OR52E4: variants seen among roughly 807,000 people sequenced by gnomAD.
OR52E4 encodes olfactory receptor family 52 subfamily E member 4, also known as olfactory receptor 52E4.
For missense variants in OR52E4, 444 were observed against 383.8 expected (o/e 1.16, Z -1.31); for synonymous variants, 169 against 137.4 (o/e 1.23, Z -1.61).
chr11:5,882,634 T>C (rs945073878), intron 1 of OR52E4, among the ~76,000 whole-genome samples: 2 of 152,082 alleles, frequency 1.3e-5, no homozygotes, highest in South Asian at 4.1e-4. Context: ...ACAACTGATG[T>C]ATGCAGCCAC....
Position 5,885,222 on chromosome 11 carries a change from G to A in OR52E4, c.930G>A (p.Gln310=). 4.4e-6 allele frequency: 7 copies of A among 1,586,068 alleles called. No individual in the cohort carries two copies. Among genetic ancestry groups the A allele is most frequent in the Non-Finnish European group, 6.0e-6 (7 of 1,165,076 alleles). The change falls in exon 2 of 2, where the codon CAG becomes CAA. Residue 310 remains glutamine, a synonymous_variant. Transcript: ENST00000641726. The part of the protein sequence containing the change: ...IREQIVKIFV[Q]KE ...AGCAAATTGTGAAAATATTTGTACA[G>A]AAAGAATAATTCTGTATTAAAGTTT...
At position 5,885,585 on chromosome 11, in the gene OR52E4, A is replaced by G. The variant is rs1847031331; in HGVS notation, c.*354A>G. The G allele has an allele frequency of 5.7e-6, 1 of 174,446 alleles. No individual in the cohort carries two copies. The highest frequency in any genetic ancestry group is 1.2e-5 in the Non-Finnish European group (1 of 82,792). 10.8% of individuals were successfully genotyped at this position (174,446 alleles called of 1,614,324 possible). On this transcript the variant is annotated 3_prime_UTR_variant, in exon 2 of 2. Coordinates refer to ENST00000641726, the MANE Select transcript of OR52E4 (RefSeq NM_001005165.2). ...AGATCCTGAAGGATACTGATCAAATAAATCTCATTTTATAGATGAACAAAA... is the reference window on the plus strand; with the variant it reads ...AGATCCTGAAGGATACTGATCAAATGAATCTCATTTTATAGATGAACAAAA...
intron 1 of OR52E4, among the ~76,000 whole-genome samples, chr11:5,881,857 G>T (rs1366231693): frequency 6.6e-6 from 1 of 151,958 alleles, no homozygotes; most frequent in Non-Finnish European, 1.5e-5. Context: ...TAAAGAATCT[G>T]TCCAAGGGTC....
chr11:5,885,220 C>T lies in OR52E4; in HGVS notation c.928C>T (p.Gln310Ter), dbSNP rs552971913. 129 of 1,587,374 alleles carry T rather than the reference C, an allele frequency of 8.1e-5. 1 individual carries two copies. In the South Asian group the frequency reaches 1.4e-3, roughly 18 times the overall value. The change falls in exon 2 of 2, where the codon CAG (glutamine) becomes TAG (stop). Residue 310 changes from glutamine (Q) to a stop codon, truncating the protein, a stop_gained. Coordinates refer to ENST00000641726, the MANE Select transcript of OR52E4 (RefSeq NM_001005165.2). LOFTEE classifies it high-confidence loss of function. Reference protein sequence around the residue: ...IREQIVKIFVQKE With the variant: ...IREQIVKIFV ...AGAGCAAATTGTGAAAATATTTGTA[C>T]AGAAAGAATAATTCTGTATTAAAGT...
In OR52E4 at chr11:5,884,866, G is replaced by A. The variant is rs757138145; in HGVS notation, c.574G>A (p.Ala192Thr). The A allele has an allele frequency of 3.7e-6, 6 of 1,613,250 alleles. No homozygotes were observed. Among genetic ancestry groups the A allele is most frequent in the African/African-American group, 1.3e-5 (1 of 74,854 alleles). The change falls in exon 2 of 2, where the codon GCA (alanine) becomes ACA (threonine). Residue 192 changes from alanine (A) to threonine (T), a missense_variant. Ala to Thr is a moderately conservative substitution (Grantham distance 58). Transcript: ENST00000641726. ...CAGGGGTCTGGCCGGGTTGGCCTGTGCACCCATTAAGATCAACATAATCTA... is the reference window on the plus strand; with the variant it reads ...CAGGGGTCTGGCCGGGTTGGCCTGTACACCCATTAAGATCAACATAATCTA... ...EHRGLAGLAC[A>T]PIKINIIYGL...
chr11:5,884,128 C>T, intron 1 of OR52E4, 91 bp from the exon 2 acceptor site: 1 of 594,868 alleles, frequency 1.7e-6, no homozygotes, highest in Non-Finnish European at 3.0e-6. Context: ...CTCGATTATC[C>T]TCTGGAAAGA....
Position 5,884,989 on chromosome 11 carries a change from G to A in OR52E4, c.697G>A (p.Asp233Asn), listed in dbSNP as rs1428347077. The change falls in exon 2 of 2, where the codon GAT becomes AAT. Residue 233 changes from aspartate (D) to asparagine (N), a missense_variant. Asp to Asn is a conservative substitution (Grantham distance 23). Coordinates refer to ENST00000641726, the MANE Select transcript of OR52E4 (RefSeq NM_001005165.2). ...LRAVFRLPSQ[D>N]VRLKAFNTCG... ...AGCTGTTTTTCGCCTTCCCTCTCAA[G>A]ATGTCCGACTAAAGGCCTTCAATAC... The A allele has an allele frequency of 5.6e-6, 9 of 1,613,062 alleles. No homozygotes were observed. Among genetic ancestry groups the A allele is most frequent in the Non-Finnish European group, 7.6e-6 (9 of 1,179,348 alleles).
In OR52E4 at chr11:5,885,550, A is replaced by G. The variant is rs1436545966; in HGVS notation, c.*319A>G. 2 of 217,722 alleles carry G rather than the reference A, an allele frequency of 9.2e-6. No individual in the cohort carries two copies. The highest frequency in any genetic ancestry group is 4.6e-5 in the African/African-American group (2 of 43,394). The allele number at this position is 217,722 out of a possible 1,614,324, so 13.5% of individuals were successfully genotyped here. On this transcript the variant is annotated 3_prime_UTR_variant, in exon 2 of 2. Transcript: ENST00000641726. ...ATTTTTTTCCATATGTCTTCTCTCT[A>G]GGTAAGTTTAGATCCTGAAGGATAC... is the stretch of plus-strand genomic sequence containing the variant.
In OR52E4 at chr11:5,884,419, G is replaced by C; in HGVS notation, c.127G>C (p.Gly43Arg). Residue 43 changes from glycine to arginine, a missense_variant, in exon 2 of 2, where the codon GGG becomes CGG. Coordinates refer to ENST00000641726, the MANE Select transcript of OR52E4 (RefSeq NM_001005165.2). ...TATTGTGTACCTGATTGCCATTGTGGGGAATATGACCATTCTCTTTGTGAT... is the reference window on the plus strand; with the variant it reads ...TATTGTGTACCTGATTGCCATTGTGCGGAATATGACCATTCTCTTTGTGAT... ...FCIVYLIAIVGNMTILFVIKT... is the reference protein window; with the variant it reads ...FCIVYLIAIVRNMTILFVIKT... The C allele has an allele frequency of 3.1e-6, 5 of 1,613,338 alleles. No homozygotes were observed. The highest frequency in any genetic ancestry group is 4.2e-6 in the Non-Finnish European group (5 of 1,179,550).
chr11:5,885,141 T>C lies in OR52E4; in HGVS notation c.849T>C (p.Val283=). The change falls in exon 2 of 2, where the codon GTT becomes GTC. Residue 283 remains valine, a synonymous_variant. Coordinates refer to ENST00000641726, the MANE Select transcript of OR52E4 (RefSeq NM_001005165.2). ...TTCTTTTGGCTAACCTGTATGTGGT[T>C]GTCCCACCTGCCCTTAACCCTGTCA... The part of the protein sequence containing the change: ...IHILLANLYV[V]VPPALNPVIY... 2 of 1,613,494 alleles carry C rather than the reference T, an allele frequency of 1.2e-6. No individual in the cohort carries two copies. Among genetic ancestry groups the C allele is most frequent in the African/African-American group, 1.3e-5 (1 of 74,986 alleles).
chr11:5,885,777 C>T lies in OR52E4; in HGVS notation c.*546C>T, dbSNP rs111291702. ...CTCCTTTCCTTCTTTCAGATTCCTG[C>T]TCTCTCTCTTTTTGTGATGGTTAAT... On this transcript the variant is annotated 3_prime_UTR_variant, in exon 2 of 2. Transcript: ENST00000641726. 27 of 152,336 alleles carry T rather than the reference C, an allele frequency of 1.8e-4. No individual in the cohort carries two copies. In the East Asian group the frequency reaches 3.9e-3, roughly 22 times the overall value. 9.4% of individuals were successfully genotyped at this position (152,336 alleles called of 1,614,324 possible). A position where few individuals can be genotyped will look rare whatever the true frequency, so the allele number is the denominator to read the frequency against.
chr11:5,885,394 G>C lies in OR52E4; in HGVS notation c.*163G>C, dbSNP rs1198137241. 1.8e-6 allele frequency: 1 copy of C among 560,378 alleles called. No homozygotes were observed. The highest frequency in any genetic ancestry group is 3.4e-5 in the Admixed American group (1 of 29,376). 34.7% of individuals were successfully genotyped at this position (560,378 alleles called of 1,614,324 possible). ...CAGATAATGCAAACTTAAAACCTTTGCTGCCTGTTTCCCCTACTTCTCTCC... is the reference window on the plus strand; with the variant it reads ...CAGATAATGCAAACTTAAAACCTTTCCTGCCTGTTTCCCCTACTTCTCTCC... On this transcript the variant is annotated 3_prime_UTR_variant, in exon 2 of 2. Coordinates refer to ENST00000641726, the MANE Select transcript of OR52E4 (RefSeq NM_001005165.2).
chr11:5,881,633 T>C (rs2134273799), intron 1 of OR52E4, among the ~76,000 whole-genome samples: 1 of 152,238 alleles, frequency 6.6e-6, no homozygotes, highest in East Asian at 1.9e-4. Context: ...AAATAACTTC[T>C]TTCTGCTAAC....
Position 5,885,334 on chromosome 11 carries a change from T to A in OR52E4, c.*103T>A. 1 of 844,908 alleles carries A rather than the reference T, an allele frequency of 1.2e-6. No individual in the cohort carries two copies. Among genetic ancestry groups the A allele is most frequent in the Non-Finnish European group, 1.8e-6 (1 of 565,028 alleles). The allele number at this position is 844,908 out of a possible 1,614,324, so 52.3% of individuals were successfully genotyped here. A position where few individuals can be genotyped will look rare whatever the true frequency, so the allele number is the denominator to read the frequency against. Reference sequence around the variant, plus strand: ...GTAACAGTTGGTCATGCTTGTCAGATTTTTTCCTTTTGACTGGAAGTGCTT... The same window carrying A: ...GTAACAGTTGGTCATGCTTGTCAGAATTTTTCCTTTTGACTGGAAGTGCTT... On this transcript the variant is annotated 3_prime_UTR_variant, in exon 2 of 2. Coordinates refer to ENST00000641726, the MANE Select transcript of OR52E4 (RefSeq NM_001005165.2).
rs1302104412 is a variant in OR52E4, at chr11:5,884,411, C to T, written c.119C>T (p.Ala40Val). 2 of 1,613,194 alleles carry T rather than the reference C, an allele frequency of 1.2e-6. No homozygotes were observed. The highest frequency in any genetic ancestry group is 2.2e-5 in the South Asian group (2 of 91,064). ...CCATTCTGTATTGTGTACCTGATTG[C>T]CATTGTGGGGAATATGACCATTCTC... ...SFPFCIVYLI[A>V]IVGNMTILFV... Residue 40 changes from alanine to valine, a missense_variant, in exon 2 of 2, where the codon GCC (alanine) becomes GTC (valine). Ala to Val is a moderately conservative substitution (Grantham distance 64). Coordinates refer to ENST00000641726, the MANE Select transcript of OR52E4 (RefSeq NM_001005165.2).
intron 1 of OR52E4, among the ~76,000 whole-genome samples, chr11:5,881,338 G>T (rs1300078605): frequency 6.6e-6 from 1 of 152,012 alleles, no homozygotes; most frequent in African/African-American, 2.4e-5. Context: ...GGACTGAACC[G>T]CCAATGGCAC....
chr11:5,882,495 T>C (rs188516352), intron 1 of OR52E4, among the ~76,000 whole-genome samples: 324 of 152,058 alleles, frequency 2.1e-3, no homozygotes, highest in African/African-American at 7.4e-3. Flanking sequence ...ATTATGTTCT[T>C]TTTTCAATTT....
At position 5,885,486 on chromosome 11, in the gene OR52E4, G is replaced by A. The variant is rs1847029730; in HGVS notation, c.*255G>A. ...TATGCTGAAGGTTGAGGTGGCTTTG[G>A]AGTAGAACTGCTTGTAAACAAGGGT... is the stretch of plus-strand genomic sequence containing the variant. On this transcript the variant is annotated 3_prime_UTR_variant, in exon 2 of 2. Coordinates refer to ENST00000641726, the MANE Select transcript of OR52E4 (RefSeq NM_001005165.2). 2.7e-6 allele frequency: 1 copy of A among 366,496 alleles called. No individual in the cohort carries two copies. The highest frequency in any genetic ancestry group is 4.9e-6 in the Non-Finnish European group (1 of 204,360). The allele number at this position is 366,496 out of a possible 1,614,324, so 22.7% of individuals were successfully genotyped here.
Position 5,885,042 on chromosome 11 carries a change from G to T in OR52E4, c.750G>T (p.Leu250=), listed in dbSNP as rs564075011. The change falls in exon 2 of 2, where the codon CTG becomes CTT. Residue 250 remains leucine, a synonymous_variant. Coordinates refer to ENST00000641726, the MANE Select transcript of OR52E4 (RefSeq NM_001005165.2). ...NTCGSHVCVM[L]CFYTPAFFSF... is the part of the protein sequence containing the mutation. Reference sequence around the variant, plus strand: ...GTGGTTCTCATGTCTGTGTTATGCTGTGCTTTTACACACCAGCATTTTTTT... The same window carrying T: ...GTGGTTCTCATGTCTGTGTTATGCTTTGCTTTTACACACCAGCATTTTTTT... 240 of 1,613,414 alleles carry T rather than the reference G, an allele frequency of 1.5e-4. No individual in the cohort carries two copies. The Admixed American group carries it at 3.8e-3, about 25-fold the overall frequency.
Sources: gnomAD v4.1 joint callset for allele counts (sites outside exome capture counted in the v4.1 genomes callset) on GRCh38, gnomAD v4.1.1 for gene constraint, MANE v1.5 for transcripts, NCBI Gene and HGNC (gene_info 2026-07-23, HGNC 2026-07-21) for gene names.